The following SUGCT variants were observed in gnomAD, a reference collection of about 807,000 sequenced individuals.
The protein encoded by SUGCT is succinyl-CoA:glutarate CoA-transferase.
Under a neutral mutation model 55.0 loss-of-function variants are expected in SUGCT, and 41 were observed. The observed-to-expected ratio is 0.74, with a 90% CI of 0.58 to 0.97. The LOEUF (loss-of-function observed/expected upper bound fraction) is 0.97. SUGCT is among the 50% of genes least tolerant of loss of function. The pLI is 0.00. For missense variants in SUGCT, 568 were observed against 547.8 expected, an observed-to-expected ratio of 1.04 and a Z score of -0.37; for synonymous variants, 187 against 200.4, an observed-to-expected ratio of 0.93 and a Z score of 0.56.
At chr7:40,573,923 T>C (rs1437964984) in intron 12 of SUGCT, among the ~76,000 whole-genome samples, 1 of 152,250 alleles carries the variant, frequency 6.6e-6, no homozygotes, top group Non-Finnish European at 1.5e-5. Flanking sequence ...TAAAACTGCC[T>C]GTTTTAAATG....
chr7:40,675,062 C>CT (rs777227064), intron 12 of SUGCT, among the ~76,000 whole-genome samples: 9,836 of 135,330 alleles, frequency 0.073, 942 homozygotes, highest in African/African-American at 0.23. Context: ...TTTCTAAAAT[C>CT]TTTTTTTTTT....
chr7:40,810,548 G>A (rs551674115), intron 13 of SUGCT, among the ~76,000 whole-genome samples: 1 of 151,956 alleles, frequency 6.6e-6, no homozygotes. Flanking sequence ...ATGTTTGTTG[G>A]CCACTTGTAT....
intron 12 of SUGCT, among the ~76,000 whole-genome samples, chr7:40,516,001 C>A (rs1023328818): frequency 6.6e-6 from 1 of 152,122 alleles, no homozygotes; most frequent in East Asian, 1.9e-4. Context: ...CCATCCCTCT[C>A]TTCCTTCTTC....
At chr7:40,987,712 A>C in the SUGCT span, among the ~76,000 whole-genome samples, 14 of 152,190 alleles carry the variant, frequency 9.2e-5, no homozygotes, top group African/African-American at 3.4e-4. Context: ...AATGGAGTAA[A>C]CAGAGAGTAT....
chr7:40,587,351 T>A (rs1162917241), intron 12 of SUGCT, among the ~76,000 whole-genome samples: 1 of 152,218 alleles, frequency 6.6e-6, no homozygotes, highest in African/African-American at 2.4e-5. Flanking sequence ...TAGATCCAAG[T>A]TTATTTTCTC....
chr7:40,873,170 A>T, the SUGCT span, among the ~76,000 whole-genome samples: 1 of 152,242 alleles, frequency 6.6e-6, no homozygotes, highest in Non-Finnish European at 1.5e-5. Flanking sequence ...CAACATTTGC[A>T]ATTCTGTCCA....
chr7:40,497,873 T>TATA (rs1562818865), intron 12 of SUGCT, among the ~76,000 whole-genome samples: 1 of 151,740 alleles, frequency 6.6e-6, no homozygotes, highest in Non-Finnish European at 1.5e-5. Flanking sequence ...TATTTAAAAA[T>TATA]ATATTAAGTA....
chr7:40,860,432 G>C lies in SUGCT; in HGVS notation c.1270G>C (p.Gly424Arg), dbSNP rs767780695. Residue 424 changes from glycine to arginine, a missense_variant, in exon 14 of 14, where the codon GGG (glycine) becomes CGG (arginine). By Grantham distance (125) the Gly-to-Arg change is moderately radical. Transcript: ENST00000335693. ...CCTGAGATACGATGACAGGGCCATC[G>C]GGGAGCTGCTCAGCGCTGGAGTGGT... ...EVLRYDDRAI[G>R]ELLSAGVVDQ... The C allele has an allele frequency of 1.2e-6, 2 of 1,613,950 alleles. No individual in the cohort carries two copies. The highest frequency in any genetic ancestry group is 1.3e-5 in the African/African-American group (1 of 75,076).
the SUGCT span, among the ~76,000 whole-genome samples, chr7:40,975,578 C>A: frequency 2.0e-5 from 3 of 152,294 alleles, no homozygotes; most frequent in South Asian, 6.2e-4. Flanking sequence ...AGTTCTGTGG[C>A]CTTTAAAAAT....
At chr7:40,684,216 T>G (rs1784373306) in intron 12 of SUGCT, 1 of 1,486,232 alleles carries the variant, frequency 6.7e-7, no homozygotes, top group Admixed American at 2.4e-5. Flanking sequence ...ATATCAAGGT[T>G]TGTGACCTTA....
chr7:40,249,325 A>C lies in SUGCT; in HGVS notation c.576+11599A>C, dbSNP rs1415380916. 1.7e-3 allele frequency among the ~76,000 whole-genome samples: 205 copies of C among 117,376 alleles called. 9 individuals are homozygous for C. Among genetic ancestry groups the C allele is most frequent in the African/African-American group, 6.5e-3 (186 of 28,530 alleles). 77.0% of individuals were successfully genotyped at this position (117,376 alleles called of 152,430 possible). A position where few individuals can be genotyped will look rare whatever the true frequency, so the allele number is the denominator to read the frequency against. On this transcript the variant is annotated intron_variant, in intron 7 of 13. Coordinates refer to ENST00000335693, the MANE Select transcript of SUGCT (RefSeq NM_001193313.2). Reference sequence around the variant, plus strand: ...AAACACCAAAAAGCTATATATATATATATATATATATATATATATATAATT... The same window carrying C: ...AAACACCAAAAAGCTATATATATATCTATATATATATATATATATATAATT...
At chr7:41,021,840 A>G in the SUGCT span, among the ~76,000 whole-genome samples, 3 of 152,180 alleles carry the variant, frequency 2.0e-5, no homozygotes, top group Non-Finnish European at 4.4e-5. Context: ...ATGATGCATT[A>G]AACATAGTAG....
chr7:40,391,543 TC>T (rs1785431533), intron 9 of SUGCT, among the ~76,000 whole-genome samples: 1 of 152,202 alleles, frequency 6.6e-6, no homozygotes, highest in Admixed American at 6.5e-5. Context: ...ATGCTCAGCA[TC>T]ACTGGTCATC....
At chr7:40,431,451 A>ATT (rs981895546) in intron 9 of SUGCT, among the ~76,000 whole-genome samples, 1 of 151,570 alleles carries the variant, frequency 6.6e-6, no homozygotes, top group East Asian at 1.9e-4. Context: ...GAATTTTAGT[A>ATT]TTTTTTTTCT....
At chr7:40,837,777 C>G (rs1022619156) in intron 13 of SUGCT, among the ~76,000 whole-genome samples, 1 of 152,022 alleles carries the variant, frequency 6.6e-6, no homozygotes, top group Admixed American at 6.6e-5. Flanking sequence ...CCATGCCTGG[C>G]TAATTTTTGT....
chr7:40,207,024 C>T (rs1046597039), intron 6 of SUGCT, among the ~76,000 whole-genome samples: 1 of 151,764 alleles, frequency 6.6e-6, no homozygotes, highest in Admixed American at 6.6e-5. Context: ...CATAGTGAGA[C>T]TCTGACTCTA....
intron 9 of SUGCT, among the ~76,000 whole-genome samples, chr7:40,400,315 A>G (rs1263790255): frequency 1.3e-5 from 2 of 152,282 alleles, no homozygotes; most frequent in Admixed American, 6.5e-5. Flanking sequence ...TATTTGGATT[A>G]TGGTTCTCCA....
the SUGCT span, among the ~76,000 whole-genome samples, chr7:40,956,236 A>G: frequency 6.6e-6 from 1 of 152,120 alleles, no homozygotes; most frequent in Non-Finnish European, 1.5e-5. Flanking sequence ...GGTAGAATTC[A>G]GCTAGGAATT....
chr7:40,227,043 CTTTT>C (rs35073564), intron 6 of SUGCT, among the ~76,000 whole-genome samples: 2 of 96,226 alleles, frequency 2.1e-5, no homozygotes, highest in Admixed American at 1.5e-4. Flanking sequence ...TTTAATAGAT[CTTTT>C]TTTTTTTTTT....
Sources: allele counts gnomAD v4.1 joint callset (sites outside exome capture counted in the v4.1 genomes callset), GRCh38; gene constraint gnomAD v4.1.1; transcripts MANE v1.5; gene names NCBI Gene and HGNC (gene_info 2026-07-23, HGNC 2026-07-21).